BORA: variants seen among roughly 807,000 people sequenced by gnomAD.
BORA encodes the protein protein aurora borealis.
A neutral mutation model predicts 55.8 loss-of-function variants in BORA; 26 were observed. The observed-to-expected ratio is 0.47, with a 90% CI of 0.34 to 0.65. The LOEUF (loss-of-function observed/expected upper bound fraction) is 0.65. Ranked by LOEUF, BORA falls within the 30% of genes least tolerant of loss-of-function variation. The probability of loss-of-function intolerance (pLI) is 0.01; values close to 1 mark genes in which losing one functional copy is unlikely to be tolerated. For missense variants in BORA, 568 were observed against 671.5 expected, an observed-to-expected ratio of 0.85 and a Z score of 1.70; for synonymous variants, 201 against 216.9, an observed-to-expected ratio of 0.93 and a Z score of 0.64.
At chr13:72,734,932 G>T in intron 3 of BORA, 28 bp from the exon 4 acceptor site, 2 of 1,484,456 alleles carry the variant, frequency 1.3e-6, no homozygotes, top group Admixed American at 1.9e-5. Context: ...TAATAGCATG[G>T]TTATTTTTCT....
At chr13:72,728,853 A>T in intron 1 of BORA, 73 bp from the exon 2 acceptor site, 1 of 1,319,854 alleles carries the variant, frequency 7.6e-7, no homozygotes, top group Non-Finnish European at 1.0e-6. Context: ...TTTGTCGAGT[A>T]CATTTTAATA....
intron 1 of BORA, chr13:72,728,232 T>G: frequency 1.4e-6 from 1 of 719,812 alleles, no homozygotes; most frequent in Non-Finnish European, 2.5e-6. Flanking sequence ...CTTCCAGAAG[T>G]AGACTCTTTT....
chr13:72,735,695 C>T (rs1036975545), intron 4 of BORA, among the ~76,000 whole-genome samples: 6 of 152,020 alleles, frequency 3.9e-5, no homozygotes, highest in South Asian at 2.1e-4. Context: ...CTGCAGTCTC[C>T]GCCTCCCAGG....
At chr13:72,733,795 A>C (rs1193308242) in intron 3 of BORA, among the ~76,000 whole-genome samples, 1 of 152,186 alleles carries the variant, frequency 6.6e-6, no homozygotes, top group East Asian at 1.9e-4. Context: ...TCTGAAATGT[A>C]TACATTCTCA....
intron 6 of BORA, 49 bp from the exon 7 acceptor site, chr13:72,744,456 A>G (rs1227368449): frequency 3.3e-6 from 5 of 1,499,736 alleles, no homozygotes; most frequent in African/African-American, 1.4e-5. Context: ...GTATACTTTC[A>G]TTGATTTATC....
chr13:72,735,093 C>T lies in BORA; in HGVS notation c.306+88C>T, dbSNP rs535173543. ...CTTTTAGGAAGACTTTCTTCAATTC[C>T]TTCACTGTCCTATCTCCCCTCCAAG... is the stretch of plus-strand genomic sequence containing the variant. On this transcript the variant is annotated intron_variant, in intron 4 of 11. Coordinates refer to ENST00000390667, the MANE Select transcript of BORA (RefSeq NM_024808.5). 1.6e-5 allele frequency: 16 copies of T among 1,030,448 alleles called. No individual in the cohort carries two copies. In the East Asian group the frequency reaches 3.9e-4, roughly 25 times the overall value. The allele number at this position is 1,030,448 out of a possible 1,614,324, so 63.8% of individuals were successfully genotyped here.
Position 72,731,364 on chromosome 13 carries a change from A to G in BORA, c.237A>G (p.Gln79=). 1 of 1,610,156 alleles carries G rather than the reference A, an allele frequency of 6.2e-7. No homozygotes were observed. Among genetic ancestry groups the G allele is most frequent in the Non-Finnish European group, 8.5e-7 (1 of 1,176,984 alleles). Residue 79 remains glutamine (Q), a synonymous_variant, in exon 3 of 12, where the codon CAA becomes CAG. Coordinates refer to ENST00000390667, the MANE Select transcript of BORA (RefSeq NM_024808.5). ...VEIDPEDIHR[Q]ALYLSHSRID... The stretch of plus-strand genomic sequence containing the variant: ...TAGACCCAGAAGATATTCATCGTCA[A>G]GCTTTATACTTAAGTCATTCTCGGT...
At chr13:72,745,701 A>T (rs1244153800) in intron 8 of BORA, among the ~76,000 whole-genome samples, 1 of 152,198 alleles carries the variant, frequency 6.6e-6, no homozygotes, top group African/African-American at 2.4e-5. Flanking sequence ...ATGGTTGCTT[A>T]GTGTGAAACT....
chr13:72,730,904 A>C (rs1172857028), intron 2 of BORA, among the ~76,000 whole-genome samples: 58 of 126,078 alleles, frequency 4.6e-4, no homozygotes, highest in Non-Finnish European at 8.5e-4. Flanking sequence ...AAAAAAAAAA[A>C]AAAAAATACA....
At chr13:72,745,399 C>T (rs1029906807) in intron 8 of BORA, among the ~76,000 whole-genome samples, 192 bp downstream of exon 8, 6 of 152,198 alleles carry the variant, frequency 3.9e-5, no homozygotes, top group Non-Finnish European at 8.8e-5. Context: ...GAACTCATGA[C>T]TGTATTCTCT....
At chr13:72,737,481 T>C (rs1054594167) in intron 4 of BORA, among the ~76,000 whole-genome samples, 1 of 151,606 alleles carries the variant, frequency 6.6e-6, no homozygotes, top group African/African-American at 2.4e-5. Flanking sequence ...TTTAATATAT[T>C]TAATTGTAAG....
At chr13:72,747,144 C>G in intron 10 of BORA, 33 bp downstream of exon 10, 1 of 1,596,168 alleles carries the variant, frequency 6.3e-7, no homozygotes, top group Non-Finnish European at 8.5e-7. Context: ...GCCCCTTCCT[C>G]ACTGCCTTGG....
rs910226259 is a variant in BORA at position 72,729,631 on chromosome 13, T to A, written c.153+538T>A. 1.3e-5 allele frequency among the ~76,000 whole-genome samples: 2 copies of A among 152,244 alleles called. 1 individual carries two copies. Among genetic ancestry groups the A allele is most frequent in the South Asian group, 4.1e-4 (2 of 4,836 alleles). ...CACAACTACTCACTTCTGTCTTGTATCACAAAAGCAGCCATAGGCAATGTG... is the reference window on the plus strand; with the variant it reads ...CACAACTACTCACTTCTGTCTTGTAACACAAAAGCAGCCATAGGCAATGTG... On this transcript the variant is annotated intron_variant, in intron 2 of 11. Transcript: ENST00000390667.
Position 72,739,397 on chromosome 13 carries a change from C to T in BORA, c.388+1354C>T, listed in dbSNP as rs1357536230. On this transcript the variant is annotated intron_variant, in intron 5 of 11. Transcript: ENST00000390667. ...GTGCAGTGGTTAATAGGATAGGCTCCAGAGCTGTGCTGTTTACTGTGTTGT... is the reference window on the plus strand; with the variant it reads ...GTGCAGTGGTTAATAGGATAGGCTCTAGAGCTGTGCTGTTTACTGTGTTGT... Among the ~76,000 whole-genome samples, 5 of 152,160 alleles carry T rather than the reference C, an allele frequency of 3.3e-5. No individual in the cohort carries two copies. In the East Asian group the frequency reaches 5.8e-4, roughly 18 times the overall value.
At chr13:72,742,892 C>T (rs1211952323) in intron 5 of BORA, among the ~76,000 whole-genome samples, 1 of 151,638 alleles carries the variant, frequency 6.6e-6, no homozygotes, top group African/African-American at 2.4e-5. Flanking sequence ...GGACATTATG[C>T]TAAGTGAAAA....
intron 5 of BORA, among the ~76,000 whole-genome samples, chr13:72,743,134 T>G (rs1337272748): frequency 6.6e-6 from 1 of 152,150 alleles, no homozygotes; most frequent in African/African-American, 2.4e-5. Context: ...TATCATATAG[T>G]TCAAAATTGC....
intron 10 of BORA, among the ~76,000 whole-genome samples, chr13:72,747,743 G>A (rs1321338906): frequency 6.6e-6 from 1 of 152,032 alleles, no homozygotes; most frequent in Non-Finnish European, 1.5e-5. Context: ...ATGTTGGCCA[G>A]GCTGGTCTCG....
chr13:72,728,862 T>C, intron 1 of BORA, 64 bp from the exon 2 acceptor site: 1 of 1,360,188 alleles, frequency 7.4e-7, no homozygotes, highest in Non-Finnish European at 9.8e-7. Flanking sequence ...TACATTTTAA[T>C]AGTTAAAATT....
intron 3 of BORA, among the ~76,000 whole-genome samples, chr13:72,733,687 T>G (rs1464073338): frequency 6.6e-6 from 1 of 152,224 alleles, no homozygotes; most frequent in Non-Finnish European, 1.5e-5. Flanking sequence ...AAGGCCATTT[T>G]GTTATCCTCA....
Sources: allele counts gnomAD v4.1 joint callset (sites outside exome capture counted in the v4.1 genomes callset), GRCh38; gene constraint gnomAD v4.1.1; transcripts MANE v1.5; gene names NCBI Gene and HGNC (gene_info 2026-07-23, HGNC 2026-07-21).